Variants in ADARB2 observed in about 807,000 individuals in gnomAD.
ADARB2 encodes inactive double-stranded RNA-specific editase B2.
A neutral mutation model predicts 62.2 loss-of-function variants in ADARB2; 25 were observed. The ratio of observed to expected loss-of-function variants is 0.40; its 90% confidence interval spans 0.29 to 0.56. The LOEUF (loss-of-function observed/expected upper bound fraction) is 0.56, where lower values mean the gene tolerates loss of function less well. Ranked by LOEUF, ADARB2 falls within the 20% of genes least tolerant of loss-of-function variation. The probability of loss-of-function intolerance (pLI) is 0.43; values close to 1 mark genes in which losing one functional copy is unlikely to be tolerated. For missense variants in ADARB2, 1,071 were observed against 1,077.4 expected (o/e 0.99, Z 0.08); for synonymous variants, 572 against 500.8 (o/e 1.14, Z -1.90).
chr10:1,734,379 A>G (rs1835274741), intron 1 of ADARB2, among the ~76,000 whole-genome samples: 1 of 151,268 alleles, frequency 6.6e-6, no homozygotes, highest in Non-Finnish European at 1.5e-5. Flanking sequence ...AGAAAAAAAT[A>G]TCATTTCCAA....
At chr10:1,368,623 G>T (rs984446309) in intron 2 of ADARB2, among the ~76,000 whole-genome samples, 1 of 152,214 alleles carries the variant, frequency 6.6e-6, no homozygotes, top group South Asian at 2.1e-4. Flanking sequence ...GCCGAGAGCA[G>T]CATTAGCTTT....
At chr10:1,605,664 AG>A (rs1416735957) in intron 1 of ADARB2, among the ~76,000 whole-genome samples, 5 of 152,236 alleles carry the variant, frequency 3.3e-5, no homozygotes, top group Admixed American at 2.6e-4. Context: ...CCCAACCTAC[AG>A]CTACTATTGC....
chr10:1,683,463 G>A (rs1490913044), intron 1 of ADARB2, among the ~76,000 whole-genome samples: 1 of 152,194 alleles, frequency 6.6e-6, no homozygotes, highest in South Asian at 2.1e-4. Flanking sequence ...GTGATGAAAA[G>A]TTCAGAAACT....
intron 1 of ADARB2, among the ~76,000 whole-genome samples, chr10:1,691,449 G>A (rs1394308520): frequency 6.6e-6 from 1 of 152,130 alleles, no homozygotes; most frequent in East Asian, 1.9e-4. Context: ...CAGAGTCTAT[G>A]TCCTTCTTCT....
At chr10:1,515,740 G>A (rs996163650) in intron 1 of ADARB2, among the ~76,000 whole-genome samples, 1 of 152,214 alleles carries the variant, frequency 6.6e-6, no homozygotes, top group Non-Finnish European at 1.5e-5. Context: ...AGATCCCAAA[G>A]TGTTTCTTCC....
Position 1,233,800 on chromosome 10 carries a change from T to C in ADARB2, c.1407A>G (p.Lys469=), listed in dbSNP as rs191642114. The change falls in exon 6 of 10, where the codon AAA becomes AAG. Residue 469 remains lysine, a synonymous_variant. Coordinates refer to ENST00000381312, the MANE Select transcript of ADARB2 (RefSeq NM_018702.4). ...DSERSIFVRL[K]EGGYRLRENI... is the part of the protein sequence containing the mutation. ...TCTCTCGCAGCCGGTAGCCACCTTC[T>C]TTTAACCGCACGAATATCGATCGCT... 6 of 1,614,024 alleles carry C rather than the reference T, an allele frequency of 3.7e-6. No individual in the cohort carries two copies. The Admixed American group carries it at 1.0e-4, about 27-fold the overall frequency.
At chr10:1,341,195 A>T (rs1049338009) in intron 3 of ADARB2, among the ~76,000 whole-genome samples, 7 of 152,094 alleles carry the variant, frequency 4.6e-5, no homozygotes, top group Non-Finnish European at 1.0e-4. Flanking sequence ...CAGCGGCAAT[A>T]ACCAGCATCC....
At chr10:1,211,198 CTATCAT>C (rs1388216115) in intron 7 of ADARB2, among the ~76,000 whole-genome samples, 2 of 151,738 alleles carry the variant, frequency 1.3e-5, no homozygotes, top group Admixed American at 6.6e-5. Flanking sequence ...CATCTATCAT[CTATCAT>C]TATCATCTAT....
At chr10:1,632,990 G>A (rs1833861659) in intron 1 of ADARB2, among the ~76,000 whole-genome samples, 1 of 152,196 alleles carries the variant, frequency 6.6e-6, no homozygotes, top group African/African-American at 2.4e-5. Context: ...AGGGCCAAAT[G>A]GAATGGAAGC....
At chr10:1,241,172 T>C (rs1364446402) in intron 5 of ADARB2, among the ~76,000 whole-genome samples, 1 of 152,066 alleles carries the variant, frequency 6.6e-6, no homozygotes, top group African/African-American at 2.4e-5. Flanking sequence ...GGTGGGAGAA[T>C]TGCTTCAACC....
chr10:1,302,363 G>A (rs556840545), intron 3 of ADARB2, among the ~76,000 whole-genome samples: 1 of 152,214 alleles, frequency 6.6e-6, no homozygotes, highest in East Asian at 1.9e-4. Context: ...TCCCACACCT[G>A]GCTCGGAGGG....
chr10:1,363,866 G>T lies in ADARB2; in HGVS notation c.239C>A (p.Ala80Glu). The T allele has an allele frequency of 6.6e-7, 1 of 1,505,298 alleles. No individual in the cohort carries two copies. The highest frequency in any genetic ancestry group is 8.8e-7 in the Non-Finnish European group (1 of 1,137,232). 93.2% of individuals were successfully genotyped at this position (1,505,298 alleles called of 1,614,324 possible). ...CCGGTCCCCGGAGGGCGGTGGCCGCGCGGCCAGGTTGCCCACGTTGCGGTT... is the reference window on the plus strand; with the variant it reads ...CCGGTCCCCGGAGGGCGGTGGCCGCTCGGCCAGGTTGCCCACGTTGCGGTT... ...KENRNVGNLA[A>E]RPPPSGDRAR... The change falls in exon 3 of 10, where the codon GCG becomes GAG. Residue 80 changes from alanine (A) to glutamate (E), a missense_variant. By Grantham distance (107) the Ala-to-Glu change is moderately radical. Coordinates refer to ENST00000381312, the MANE Select transcript of ADARB2 (RefSeq NM_018702.4).
Position 1,183,134 on chromosome 10 carries a change from C to T in ADARB2, c.*59G>A. ...CCGGCCGACCCGCCACGTCGCCCCC[C>T]AGACACGGTCCCATCCCTCCAGCGT... On this transcript the variant is annotated 3_prime_UTR_variant, in exon 10 of 10. Coordinates refer to ENST00000381312, the MANE Select transcript of ADARB2 (RefSeq NM_018702.4). 6.4e-7 allele frequency: 1 copy of T among 1,571,268 alleles called. No homozygotes were observed. The highest frequency in any genetic ancestry group is 8.7e-7 in the Non-Finnish European group (1 of 1,153,972).
At chr10:1,557,983 A>T (rs1365086129) in intron 1 of ADARB2, among the ~76,000 whole-genome samples, 1 of 152,114 alleles carries the variant, frequency 6.6e-6, no homozygotes, top group Non-Finnish European at 1.5e-5. Flanking sequence ...TGGCTGCCAC[A>T]TTCCCTGCCC....
intron 1 of ADARB2, among the ~76,000 whole-genome samples, chr10:1,456,658 C>A (rs994012840): frequency 1.3e-5 from 2 of 152,112 alleles, no homozygotes; most frequent in Non-Finnish European, 2.9e-5. Context: ...TCGAGACGCG[C>A]GGGGCGTGGT....
At chr10:1,348,329 G>T (rs1422554136) in intron 3 of ADARB2, among the ~76,000 whole-genome samples, 1 of 152,198 alleles carries the variant, frequency 6.6e-6, no homozygotes, top group Non-Finnish European at 1.5e-5. Context: ...CTGGGATGTG[G>T]GTTTCCTGGG....
intron 6 of ADARB2, among the ~76,000 whole-genome samples, chr10:1,223,130 A>C (rs989503505): frequency 4.6e-5 from 7 of 152,162 alleles, no homozygotes; most frequent in African/African-American, 1.7e-4. Context: ...GAGGTCCTTC[A>C]CATCCCTTGT....
intron 3 of ADARB2, among the ~76,000 whole-genome samples, chr10:1,297,530 C>T (rs1038964259): frequency 1.3e-5 from 2 of 152,158 alleles, no homozygotes; most frequent in Admixed American, 1.3e-4. Flanking sequence ...GTTCAGACCC[C>T]GAAGAGCCCT....
chr10:1,392,893 C>T (rs114798290), intron 1 of ADARB2, among the ~76,000 whole-genome samples: 2 of 152,164 alleles, frequency 1.3e-5, no homozygotes, highest in African/African-American at 2.4e-5. Context: ...TCTAACCCCC[C>T]AGTCCCTCAG....
Sources: allele counts gnomAD v4.1 joint callset (sites outside exome capture counted in the v4.1 genomes callset), GRCh38; gene constraint gnomAD v4.1.1; transcripts MANE v1.5; gene names NCBI Gene and HGNC (gene_info 2026-07-23, HGNC 2026-07-21).